LRFN5: variants seen among roughly 807,000 people sequenced by gnomAD.
LRFN5 encodes the protein leucine-rich repeat and fibronectin type-III domain-containing protein 5.
In LRFN5, 24 loss-of-function variants were observed where a neutral mutation model predicts 45.6. The observed-to-expected ratio is 0.53, with a 90% CI of 0.38 to 0.74. LRFN5 has a LOEUF of 0.74. LRFN5 is among the 30% of genes least tolerant of loss of function. LRFN5 has a pLI of 0.00. For synonymous variants in LRFN5, 340 were observed against 313.8 expected (o/e 1.08, Z -0.88); for missense variants, 776 against 861.5 (o/e 0.90, Z 1.24).
chr14:41,693,115 C>A (rs764382202), intron 1 of LRFN5, among the ~76,000 whole-genome samples: 1 of 151,978 alleles, frequency 6.6e-6, no homozygotes, highest in East Asian at 1.9e-4. Flanking sequence ...TATTCAAACA[C>A]TATACAATCT....
chr14:41,667,308 A>T (rs1349292263), intron 1 of LRFN5, among the ~76,000 whole-genome samples: 1 of 152,168 alleles, frequency 6.6e-6, no homozygotes, highest in Non-Finnish European at 1.5e-5. Context: ...TCAATTCTTG[A>T]TAAAACCTGA....
chr14:41,725,696 C>T (rs1212584710), intron 1 of LRFN5, among the ~76,000 whole-genome samples: 1 of 152,182 alleles, frequency 6.6e-6, no homozygotes, highest in Non-Finnish European at 1.5e-5. Context: ...CAGAGTGCTT[C>T]TGATCAAATA....
chr14:41,868,265 A>G (rs1889904928), intron 2 of LRFN5, among the ~76,000 whole-genome samples: 1 of 152,128 alleles, frequency 6.6e-6, no homozygotes, highest in African/African-American at 2.4e-5. Context: ...ATAGCAGATG[A>G]CAAGGTTCTA....
chr14:41,695,134 C>T (rs2138713330), intron 1 of LRFN5, among the ~76,000 whole-genome samples: 1 of 152,020 alleles, frequency 6.6e-6, no homozygotes, highest in Admixed American at 6.6e-5. Context: ...GAAAATGAAA[C>T]CAGCCACAGC....
At chr14:41,847,235 G>A (rs112816998) in intron 2 of LRFN5, among the ~76,000 whole-genome samples, 1,554 of 152,116 alleles carry the variant, frequency 0.01, 29 homozygotes, top group African/African-American at 0.036. Context: ...TCTGTTAAAA[G>A]TGAGCTAGTC....
intron 2 of LRFN5, among the ~76,000 whole-genome samples, chr14:41,818,876 C>A (rs1888015124): frequency 6.6e-6 from 1 of 152,070 alleles, no homozygotes; most frequent in Non-Finnish European, 1.5e-5. Context: ...AATTTCTCAT[C>A]CCTCATGCCC....
chr14:41,737,133 C>T (rs1003525000), intron 1 of LRFN5, among the ~76,000 whole-genome samples: 3 of 152,160 alleles, frequency 2.0e-5, no homozygotes, highest in African/African-American at 7.2e-5. Context: ...TCCAGCAGCA[C>T]ATTAAAAAGC....
At chr14:41,640,000 A>G (rs1042012448) in intron 1 of LRFN5, among the ~76,000 whole-genome samples, 2 of 106,010 alleles carry the variant, frequency 1.9e-5, no homozygotes, top group African/African-American at 3.8e-5. Context: ...GGATCTCCCT[A>G]TATTGCATAG....
intron 1 of LRFN5, among the ~76,000 whole-genome samples, chr14:41,693,887 A>G (rs1299142455): frequency 1.3e-5 from 2 of 152,032 alleles, no homozygotes; most frequent in African/African-American, 4.8e-5. Flanking sequence ...GTTTAATGTT[A>G]GCCCTTTATG....
At chr14:41,829,849 A>G (rs565624121) in intron 2 of LRFN5, among the ~76,000 whole-genome samples, 7 of 150,742 alleles carry the variant, frequency 4.6e-5, no homozygotes, top group African/African-American at 1.7e-4. Flanking sequence ...TCTTTTCTCA[A>G]ATTATTTTCT....
At chr14:41,654,406 A>G (rs946640892) in intron 1 of LRFN5, among the ~76,000 whole-genome samples, 9 of 152,066 alleles carry the variant, frequency 5.9e-5, no homozygotes, top group African/African-American at 2.2e-4. Flanking sequence ...TAGTATGTAC[A>G]TAGTGCATAT....
At chr14:41,846,423 A>G (rs2139065887) in intron 2 of LRFN5, among the ~76,000 whole-genome samples, 1 of 152,322 alleles carries the variant, frequency 6.6e-6, no homozygotes, top group East Asian at 1.9e-4. Context: ...AATGTATAGC[A>G]ATGAAAGTGA....
At chr14:41,706,441 AATTTTTT>A (rs1389147831) in intron 1 of LRFN5, among the ~76,000 whole-genome samples, 1 of 151,980 alleles carries the variant, frequency 6.6e-6, no homozygotes, top group Non-Finnish European at 1.5e-5. Flanking sequence ...CTTTTTTTAA[AATTTTTT>A]ATTTTTTATT....
At chr14:41,746,664 T>TAA (rs935132322) in intron 1 of LRFN5, among the ~76,000 whole-genome samples, 1 of 151,650 alleles carries the variant, frequency 6.6e-6, no homozygotes, top group African/African-American at 2.4e-5. Context: ...AAAAATTTTT[T>TAA]AAAAAAGCAA....
intron 2 of LRFN5, among the ~76,000 whole-genome samples, chr14:41,788,917 A>G (rs1315968821): frequency 1.3e-5 from 2 of 152,064 alleles, no homozygotes; most frequent in Admixed American, 6.6e-5. Context: ...GTGGAATTAC[A>G]GAAGTCTGTT....
At chr14:41,709,010 C>T (rs1414369950) in intron 1 of LRFN5, among the ~76,000 whole-genome samples, 1 of 151,766 alleles carries the variant, frequency 6.6e-6, no homozygotes, top group Non-Finnish European at 1.5e-5. Context: ...AGGATATGAA[C>T]GTGGTGATAT....
intron 1 of LRFN5, among the ~76,000 whole-genome samples, chr14:41,736,573 T>C (rs1173871303): frequency 2.0e-5 from 3 of 152,110 alleles, no homozygotes; most frequent in Admixed American, 1.3e-4. Flanking sequence ...ATAGTTTCTT[T>C]TGTTGTGCAG....
At chr14:41,723,551 G>A (rs1368905157) in intron 1 of LRFN5, among the ~76,000 whole-genome samples, 2 of 152,098 alleles carry the variant, frequency 1.3e-5, no homozygotes, top group East Asian at 3.9e-4. Flanking sequence ...TCCCAGGAGT[G>A]GAGCAGAGGG....
At chr14:41,661,182 G>A (rs1362341409) in intron 1 of LRFN5, among the ~76,000 whole-genome samples, 1 of 151,498 alleles carries the variant, frequency 6.6e-6, no homozygotes, top group Admixed American at 6.6e-5. Flanking sequence ...CTTCCTAATT[G>A]AAACTAAAAT....
Sources: allele counts gnomAD v4.1 joint callset (sites outside exome capture counted in the v4.1 genomes callset), GRCh38; gene constraint gnomAD v4.1.1; transcripts MANE v1.5; gene names NCBI Gene and HGNC (gene_info 2026-07-23, HGNC 2026-07-21).